Variants in STK3 observed in about 807,000 individuals in gnomAD.
The protein encoded by STK3 is serine/threonine-protein kinase 3.
In STK3, 41 loss-of-function variants were observed where a neutral mutation model predicts 58.0. That is an observed-to-expected ratio of 0.71 (90% CI 0.55 to 0.92). The LOEUF (loss-of-function observed/expected upper bound fraction) is 0.92. Among genes scored for constraint, STK3 ranks in the 40% least tolerant of loss-of-function variants. The pLI, the probability that STK3 is intolerant of heterozygous loss-of-function variation, is 0.00. For synonymous variants in STK3, 170 were observed against 191.0 expected (o/e 0.89, Z 0.91); for missense variants, 479 against 602.7 (o/e 0.79, Z 2.15).
chr8:98,550,254 G>C (rs1471708489), intron 8 of STK3, among the ~76,000 whole-genome samples: 1 of 152,048 alleles, frequency 6.6e-6, no homozygotes, highest in Non-Finnish European at 1.5e-5. Flanking sequence ...TTGGGCATTA[G>C]GTCTCAAAGT....
intron 6 of STK3, among the ~76,000 whole-genome samples, chr8:98,650,539 T>C (rs1820804060): frequency 6.6e-6 from 1 of 152,200 alleles, no homozygotes; most frequent in Admixed American, 6.5e-5. Flanking sequence ...GGGAGAGGTA[T>C]TGCCTCACTC....
chr8:98,371,037 C>T (rs867738703), downstream of STK3, among the ~76,000 whole-genome samples: 26 of 152,172 alleles, frequency 1.7e-4, no homozygotes, highest in African/African-American at 5.8e-4. Context: ...GACCACTGGA[C>T]CCAAAATGTT....
chr8:98,743,794 A>G (rs1288394968), intron 4 of STK3, among the ~76,000 whole-genome samples: 1 of 151,940 alleles, frequency 6.6e-6, no homozygotes, highest in Non-Finnish European at 1.5e-5. Flanking sequence ...CAGAGTGAAC[A>G]GGCAACCTAC....
chr8:98,873,948 T>C (rs1443343934), intron 3 of STK3, among the ~76,000 whole-genome samples: 1 of 152,246 alleles, frequency 6.6e-6, no homozygotes, highest in African/African-American at 2.4e-5. Flanking sequence ...CAATGGTCTT[T>C]ACAATCTGGC....
chr8:98,618,242 A>G lies in STK3; in HGVS notation c.685-22073T>C, dbSNP rs552313069. Among the ~76,000 whole-genome samples, 101 of 150,508 alleles carry G rather than the reference A, an allele frequency of 6.7e-4. 2 individuals carry two copies. The South Asian group carries it at 0.019, about 28-fold the overall frequency. The stretch of plus-strand genomic sequence containing the variant: ...TGATTATCTCAATAGATGCAGAAAA[A>G]GCCTTTGACAAAATTCAACAACCCT... On this transcript the variant is annotated intron_variant, in intron 6 of 10. Transcript: ENST00000419617.
chr8:98,899,845 C>T (rs937624130), intron 1 of STK3, among the ~76,000 whole-genome samples: 1 of 152,168 alleles, frequency 6.6e-6, no homozygotes, highest in African/African-American at 2.4e-5. Flanking sequence ...CTCCTTACTG[C>T]CTTTCCTATT....
At chr8:98,593,140 T>C (rs1431017995) in intron 7 of STK3, among the ~76,000 whole-genome samples, 1 of 152,186 alleles carries the variant, frequency 6.6e-6, no homozygotes, top group Non-Finnish European at 1.5e-5. Flanking sequence ...CCGGTGCTAA[T>C]AGACTGAAAC....
intron 6 of STK3, among the ~76,000 whole-genome samples, chr8:98,661,080 T>C (rs2130786132): frequency 1.3e-5 from 2 of 152,166 alleles, no homozygotes; most frequent in Middle Eastern, 3.4e-3. Context: ...AGTATAAATG[T>C]ATTTTTTTCT....
intron 3 of STK3, among the ~76,000 whole-genome samples, chr8:98,853,632 T>C (rs2131835405): frequency 6.6e-6 from 1 of 152,352 alleles, no homozygotes; most frequent in South Asian, 2.1e-4. Context: ...AGGTCTTGCA[T>C]CTAGCCACAC....
chr8:98,798,406 C>T (rs1833315659), intron 1 of STK3, among the ~76,000 whole-genome samples: 1 of 152,140 alleles, frequency 6.6e-6, no homozygotes, highest in Non-Finnish European at 1.5e-5. Context: ...TGAATTTTAA[C>T]ACCTCAGAAT....
chr8:98,498,635 T>C (rs185402480), intron 10 of STK3, among the ~76,000 whole-genome samples: 4 of 152,352 alleles, frequency 2.6e-5, no homozygotes, highest in Non-Finnish European at 5.9e-5. Flanking sequence ...TCCTTGTTGC[T>C]AAATATCCAA....
chr8:98,515,946 C>G (rs1052266534), intron 10 of STK3, among the ~76,000 whole-genome samples: 1 of 152,050 alleles, frequency 6.6e-6, no homozygotes, highest in Admixed American at 6.6e-5. Flanking sequence ...AAAAAGTACT[C>G]ACTACATACT....
At chr8:98,537,565 G>A (rs1177766406) in intron 9 of STK3, among the ~76,000 whole-genome samples, 1 of 152,174 alleles carries the variant, frequency 6.6e-6, no homozygotes, top group Admixed American at 6.5e-5. Context: ...ACTGTCATAT[G>A]TGATGTGGTT....
intron 9 of STK3, among the ~76,000 whole-genome samples, chr8:98,542,194 A>G (rs1368905998): frequency 4.0e-5 from 6 of 151,126 alleles, no homozygotes; most frequent in Non-Finnish European, 1.5e-5. Context: ...TGAGAAATTC[A>G]CCTTTTTCTC....
At chr8:98,675,544 T>C (rs1171221496) in intron 6 of STK3, among the ~76,000 whole-genome samples, 4 of 152,168 alleles carry the variant, frequency 2.6e-5, no homozygotes, top group African/African-American at 9.7e-5. Flanking sequence ...ATTCCACTTC[T>C]GGGTATATAC....
At chr8:98,645,211 C>T (rs558726065) in intron 6 of STK3, among the ~76,000 whole-genome samples, 1 of 152,270 alleles carries the variant, frequency 6.6e-6, no homozygotes, top group African/African-American at 2.4e-5. Context: ...AACAGCAGAA[C>T]TAGAAGCAGA....
At chr8:98,555,897 A>C (rs1009290443) in intron 8 of STK3, among the ~76,000 whole-genome samples, 1 of 152,000 alleles carries the variant, frequency 6.6e-6, no homozygotes, top group Non-Finnish European at 1.5e-5. Context: ...GGGGTGGGGG[A>C]TTAGTGGTTA....
chr8:98,368,447 G>A (rs1421540959), downstream of STK3, among the ~76,000 whole-genome samples: 2 of 152,184 alleles, frequency 1.3e-5, no homozygotes, highest in Admixed American at 6.5e-5. Flanking sequence ...TGAAGGAGAA[G>A]CAGTTCATTA....
chr8:98,845,324 C>A (rs4629834), intron 3 of STK3, among the ~76,000 whole-genome samples: 2,999 of 152,248 alleles, frequency 0.02, 56 homozygotes, highest in African/African-American at 0.042. Flanking sequence ...CCACAACTTC[C>A]TCATTCTTAA....
Sources: gnomAD v4.1 joint callset for allele counts (sites outside exome capture counted in the v4.1 genomes callset) on GRCh38, gnomAD v4.1.1 for gene constraint, MANE v1.5 for transcripts, NCBI Gene and HGNC (gene_info 2026-07-23, HGNC 2026-07-21) for gene names.